The following XPNPEP1 variants were observed in gnomAD, a reference collection of about 807,000 sequenced individuals.
XPNPEP1 encodes xaa-Pro aminopeptidase 1.
XPNPEP1 carries 39 observed loss-of-function variants against 92.4 expected under a neutral mutation model. That is an observed-to-expected ratio of 0.42 (90% confidence interval 0.33 to 0.55). The LOEUF (loss-of-function observed/expected upper bound fraction) is 0.55. Among genes scored for constraint, XPNPEP1 ranks in the 20% least tolerant of loss-of-function variants. XPNPEP1 has a pLI of 0.08. For missense variants in XPNPEP1, 654 were observed against 856.1 expected (o/e 0.76, Z 2.95); for synonymous variants, 307 against 299.4 (o/e 1.03, Z -0.26).
intron 20 of XPNPEP1, among the ~76,000 whole-genome samples, chr10:109,865,798 T>G (rs972723140): frequency 6.6e-6 from 1 of 152,242 alleles, no homozygotes; most frequent in South Asian, 2.1e-4. Context: ...GCTGCCTAGA[T>G]GAACCCAAAA....
In XPNPEP1 at chr10:109,888,489, C is replaced by A; in HGVS notation, c.508+14G>T. On this transcript the variant is annotated intron_variant, in intron 6 of 20. Coordinates refer to ENST00000502935, the MANE Select transcript of XPNPEP1 (RefSeq NM_020383.4). ...ACTTCCTTACCCAAGCAGAAAGGGA[C>A]CAAGCTCACTTACCTGTAGGAATGA... 1 of 1,600,610 alleles carries A rather than the reference C, an allele frequency of 6.2e-7. No individual in the cohort carries two copies. The highest frequency in any genetic ancestry group is 8.5e-7 in the Non-Finnish European group (1 of 1,173,160).
Position 109,880,908 on chromosome 10 carries a change from G to A in XPNPEP1, c.1065C>T (p.Tyr355=), listed in dbSNP as rs1252716818. Residue 355 remains tyrosine, a synonymous_variant, in exon 11 of 21, where the codon TAC becomes TAT. Transcript: ENST00000502935. ...IPKDHRCCMP[Y]TPICIAKAVK... is the part of the protein sequence containing the mutation. The stretch of plus-strand genomic sequence containing the variant: ...CAGCTTTGGCGATGCAGATGGGGGT[G>A]TAAGGCATACAGCAGCGGTGGTCCT... 2 of 1,614,036 alleles carry A rather than the reference G, an allele frequency of 1.2e-6. No individual in the cohort carries two copies. The highest frequency in any genetic ancestry group is 1.6e-4 in the Middle Eastern group (1 of 6,062).
intron 19 of XPNPEP1, 136 bp downstream of exon 19, chr10:109,869,817 A>C (rs1191905041): frequency 1.2e-6 from 1 of 803,414 alleles, no homozygotes; most frequent in African/African-American, 1.7e-5. Context: ...CAAAGACATT[A>C]AGTCTTCATC....
intron 15 of XPNPEP1, 22 bp from the exon 16 acceptor site, chr10:109,873,449 T>A (rs1416541163): frequency 1.2e-6 from 2 of 1,614,106 alleles, no homozygotes; most frequent in East Asian, 4.5e-5. Context: ...AAGGACAAAT[T>A]GGTTTCCCGT....
chr10:109,904,457 C>T (rs578098284), intron 3 of XPNPEP1, among the ~76,000 whole-genome samples: 5 of 151,956 alleles, frequency 3.3e-5, no homozygotes, highest in Admixed American at 6.6e-5. Context: ...CCATGAAACA[C>T]TAGAGTCTCC....
At position 109,882,584 on chromosome 10, in the gene XPNPEP1, C is replaced by T; in HGVS notation, c.889G>A (p.Asp297Asn). The T allele has an allele frequency of 1.2e-6, 2 of 1,614,178 alleles. No individual in the cohort carries two copies. The highest frequency in any genetic ancestry group is 1.7e-6 in the Non-Finnish European group (2 of 1,180,028). ...CTGTATTCGGCTTCCAGACCCAAGTCAAGAAGCAGGTGCTCCTTCACACTG... is the reference window on the plus strand; with the variant it reads ...CTGTATTCGGCTTCCAGACCCAAGTTAAGAAGCAGGTGCTCCTTCACACTG... The part of the protein sequence containing the change: ...APSVKEHLLL[D>N]LGLEAEYRIQ... Residue 297 changes from aspartate to asparagine, a missense_variant, in exon 10 of 21, where the codon GAC becomes AAC. Coordinates refer to ENST00000502935, the MANE Select transcript of XPNPEP1 (RefSeq NM_020383.4).
At chr10:109,873,990 A>G (rs1483481895) in intron 15 of XPNPEP1, among the ~76,000 whole-genome samples, 2 of 152,200 alleles carry the variant, frequency 1.3e-5, no homozygotes, top group African/African-American at 2.4e-5. Flanking sequence ...AAAAGGGGGT[A>G]GTGACCGCTA....
chr10:109,916,950 A>C (rs1181769544), intron 1 of XPNPEP1, among the ~76,000 whole-genome samples: 2 of 152,200 alleles, frequency 1.3e-5, no homozygotes, highest in African/African-American at 2.4e-5. Context: ...AGTACTCAGC[A>C]AACTAGAAGA....
chr10:109,890,592 G>GTT (rs1848650545), intron 5 of XPNPEP1, among the ~76,000 whole-genome samples: 1 of 82,704 alleles, frequency 1.2e-5, no homozygotes, highest in Non-Finnish European at 2.3e-5. Context: ...GTGTGTGTGT[G>GTT]TGAGAGAGAG....
intron 3 of XPNPEP1, among the ~76,000 whole-genome samples, chr10:109,895,959 C>T (rs1848964810): frequency 6.6e-6 from 1 of 152,206 alleles, no homozygotes; most frequent in African/African-American, 2.4e-5. Flanking sequence ...AACTCTGGCC[C>T]AGTCAAGGTA....
intron 1 of XPNPEP1, among the ~76,000 whole-genome samples, chr10:109,918,951 G>C (rs2133582109): frequency 6.6e-6 from 1 of 151,102 alleles, no homozygotes; most frequent in Non-Finnish European, 1.5e-5. Flanking sequence ...GAAAAGGAAG[G>C]AAAGGAAGGA....
intron 10 of XPNPEP1, 113 bp from the exon 11 acceptor site, chr10:109,881,044 TC>T: frequency 2.0e-6 from 2 of 1,009,116 alleles, no homozygotes; most frequent in Non-Finnish European, 1.5e-6. Context: ...TTTGAAGAGC[TC>T]CCACTGGCGA....
chr10:109,917,706 T>G (rs572124099), intron 1 of XPNPEP1, among the ~76,000 whole-genome samples: 2 of 152,346 alleles, frequency 1.3e-5, no homozygotes, highest in South Asian at 4.1e-4. Flanking sequence ...TGAAAAGAAC[T>G]CTTCCATCCC....
Position 109,878,074 on chromosome 10 carries a change from T to C in XPNPEP1, c.1183-16A>G. The C allele has an allele frequency of 6.2e-7, 1 of 1,614,130 alleles. No individual in the cohort carries two copies. The highest frequency in any genetic ancestry group is 1.3e-5 in the African/African-American group (1 of 75,056). On this transcript the variant is annotated splice_polypyrimidine_tract_variant and intron_variant, in intron 12 of 20. Transcript: ENST00000502935. ...CTTTGGGAACCTATGAGAAAATTGC[T>C]TATAAATCATCTGGTGAGATAAATT...
chr10:109,882,289 GGC>G (rs1356881411), intron 10 of XPNPEP1, 141 bp downstream of exon 10: 2 of 893,872 alleles, frequency 2.2e-6, no homozygotes, highest in East Asian at 5.3e-5. Flanking sequence ...CTCTTGCTAT[GGC>G]TCCAGCTTTA....
At chr10:109,921,714 G>A (rs1850553123) in intron 1 of XPNPEP1, among the ~76,000 whole-genome samples, 1 of 152,166 alleles carries the variant, frequency 6.6e-6, no homozygotes, top group African/African-American at 2.4e-5. Context: ...TTTTCCTTTT[G>A]AGAATGTACC....
chr10:109,907,714 T>C lies in XPNPEP1; in HGVS notation c.223A>G (p.Ile75Val), dbSNP rs1177549052. Residue 75 changes from isoleucine to valine, a missense_variant, in exon 3 of 21, where the codon ATC (isoleucine) becomes GTC (valine). Ile to Val is a conservative substitution (Grantham distance 29). Transcript: ENST00000502935. Reference sequence around the variant, plus strand: ...ACCTGATGAGCATCTCCCGATGGGATGATGTAGGCCTGGATCGGTTCGGTC... The same window carrying C: ...ACCTGATGAGCATCTCCCGATGGGACGATGTAGGCCTGGATCGGTTCGGTC... Reference protein sequence around the residue: ...YVTEPIQAYIIPSGDAHQSEY... With the variant: ...YVTEPIQAYIVPSGDAHQSEY... The C allele has an allele frequency of 1.2e-6, 2 of 1,614,210 alleles. No homozygotes were observed. The highest frequency in any genetic ancestry group is 2.2e-5 in the South Asian group (2 of 91,090).
chr10:109,901,974 T>C (rs1331023611), intron 3 of XPNPEP1, among the ~76,000 whole-genome samples: 2 of 152,244 alleles, frequency 1.3e-5, no homozygotes, highest in Admixed American at 6.5e-5. Flanking sequence ...TGGATTAATA[T>C]ATTGTTAAAA....
chr10:109,893,159 G>T (rs1848793646), intron 3 of XPNPEP1, 84 bp from the exon 4 acceptor site: 4 of 1,329,048 alleles, frequency 3.0e-6, no homozygotes, highest in African/African-American at 1.5e-5. Flanking sequence ...GCTAGGCTCA[G>T]CGGGGACTAT....
Sources: gnomAD v4.1 joint callset for allele counts (sites outside exome capture counted in the v4.1 genomes callset) on GRCh38, gnomAD v4.1.1 for gene constraint, MANE v1.5 for transcripts, NCBI Gene and HGNC (gene_info 2026-07-23, HGNC 2026-07-21) for gene names.